ANK3: variants seen among roughly 807,000 people sequenced by gnomAD.
ANK3 encodes ankyrin 3, also known as ankyrin-3.
ANK3 carries 57 observed loss-of-function variants against 370.9 expected under a neutral mutation model. The ratio of observed to expected loss-of-function variants is 0.15; its 90% CI spans 0.12 to 0.19. The LOEUF (loss-of-function observed/expected upper bound fraction) is 0.19. Ranked by LOEUF, ANK3 falls within the 10% of genes least tolerant of loss-of-function variation. The probability of loss-of-function intolerance (pLI) is 1.00; values close to 1 mark genes in which losing one functional copy is unlikely to be tolerated. For missense variants in ANK3, 4,439 were observed against 5,302.1 expected (o/e 0.84, Z 5.06); for synonymous variants, 1,929 against 1,946.3 (o/e 0.99, Z 0.23).
chr10:60,383,261 GAAC>G (rs989703983), intron 1 of ANK3, among the ~76,000 whole-genome samples: 2 of 152,098 alleles, frequency 1.3e-5, no homozygotes, highest in East Asian at 1.9e-4. Context: ...TGTACATTCT[GAAC>G]AACAACAACA....
chr10:60,223,618 A>C (rs983591474), intron 8 of ANK3, among the ~76,000 whole-genome samples: 7 of 152,124 alleles, frequency 4.6e-5, no homozygotes, highest in African/African-American at 1.7e-4. Flanking sequence ...AGTGAAAAAA[A>C]ATATTTTCTA....
intron 1 of ANK3, among the ~76,000 whole-genome samples, chr10:60,351,274 TG>T (rs1295315151): frequency 3.9e-5 from 6 of 152,278 alleles, no homozygotes; most frequent in East Asian, 3.9e-4. Flanking sequence ...AGTTTTTCTT[TG>T]GGGGCAATCA....
intron 1 of ANK3, among the ~76,000 whole-genome samples, chr10:60,626,965 G>A (rs2078419854): frequency 6.6e-6 from 1 of 152,070 alleles, no homozygotes; most frequent in Non-Finnish European, 1.5e-5. Flanking sequence ...CATGAGATTG[G>A]AGGAAGGAAA....
At chr10:60,366,037 T>G (rs2059340334) in intron 1 of ANK3, among the ~76,000 whole-genome samples, 1 of 152,202 alleles carries the variant, frequency 6.6e-6, no homozygotes, top group Non-Finnish European at 1.5e-5. Flanking sequence ...ACCTGTGTTT[T>G]AGGACTAAAA....
intron 1 of ANK3, among the ~76,000 whole-genome samples, chr10:60,339,696 T>C (rs1365244295): frequency 6.6e-6 from 1 of 152,180 alleles, no homozygotes; most frequent in Non-Finnish European, 1.5e-5. Flanking sequence ...GCTCTTCTGA[T>C]TTGTCCAGAC....
chr10:60,085,997 AG>A (rs919001732), intron 30 of ANK3, among the ~76,000 whole-genome samples: 5 of 152,230 alleles, frequency 3.3e-5, no homozygotes, highest in African/African-American at 1.2e-4. Context: ...TTAATTACCG[AG>A]GGTAAAAAGG....
At chr10:60,408,708 ACCAAAGTG>A (rs1388181507) in intron 2 of ANK3, among the ~76,000 whole-genome samples, 1 of 152,162 alleles carries the variant, frequency 6.6e-6, no homozygotes, top group Non-Finnish European at 1.5e-5. Context: ...TCCTTTGGGG[ACCAAAGTG>A]CTATCTCAAG....
At chr10:60,529,128 G>A (rs1364473098) in intron 2 of ANK3, among the ~76,000 whole-genome samples, 2 of 152,080 alleles carry the variant, frequency 1.3e-5, no homozygotes, top group Admixed American at 1.3e-4. Context: ...AGAACCATCA[G>A]CAAGGGAATG....
intron 1 of ANK3, among the ~76,000 whole-genome samples, chr10:60,615,691 T>C (rs1378720283): frequency 6.6e-6 from 1 of 152,174 alleles, no homozygotes; most frequent in Admixed American, 6.5e-5. Flanking sequence ...TCTCCCAAAC[T>C]TCATTACTGT....
intron 2 of ANK3, among the ~76,000 whole-genome samples, chr10:60,606,747 G>A (rs1246092042): frequency 6.6e-6 from 1 of 152,118 alleles, no homozygotes; most frequent in Non-Finnish European, 1.5e-5. Context: ...CTACCCAGCC[G>A]AGAAGTGGTT....
intron 42 of ANK3, among the ~76,000 whole-genome samples, chr10:60,053,250 C>T (rs1276329632): frequency 6.6e-6 from 1 of 152,088 alleles, no homozygotes; most frequent in Non-Finnish European, 1.5e-5. Context: ...ATTAGCATTC[C>T]AGGATTAATG....
chr10:60,617,319 AACCCATGTGGACTT>A (rs2078279855), intron 1 of ANK3, among the ~76,000 whole-genome samples: 1 of 149,618 alleles, frequency 6.7e-6, no homozygotes. Flanking sequence ...CTTTTTTTTT[AACCCATGTGGACTT>A]TATCATAGGT....
Position 60,173,088 on chromosome 10 carries a change from C to G in ANK3, c.2283G>C (p.Lys761Asn). 6.2e-7 allele frequency: 1 copy of G among 1,613,384 alleles called. No individual in the cohort carries two copies. The highest frequency in any genetic ancestry group is 1.1e-5 in the South Asian group (1 of 90,872). Residue 761 changes from lysine to asparagine, a missense_variant and splice_region_variant, in exon 19 of 44, where the codon AAG becomes AAC. Coordinates refer to ENST00000280772, the MANE Select transcript of ANK3 (RefSeq NM_020987.5). ...QHSAKVNAKT[K>N]NGYTPLHQAA... ...AGAAACAAAAAAGGAAGGAGCTTAC[C>G]TTTGTTTTGGCATTAACTTTTGCAG...
intron 2 of ANK3, among the ~76,000 whole-genome samples, chr10:60,582,050 T>G (rs2077761614): frequency 6.6e-6 from 1 of 151,944 alleles, no homozygotes; most frequent in Non-Finnish European, 1.5e-5. Flanking sequence ...ATATTCTCAC[T>G]CATAAGTGGG....
At chr10:60,421,967 ACT>A (rs2063787524) in intron 2 of ANK3, among the ~76,000 whole-genome samples, 2 of 152,072 alleles carry the variant, frequency 1.3e-5, no homozygotes, top group African/African-American at 2.4e-5. Context: ...GATTGTTAAA[ACT>A]AAGGGTATAA....
At chr10:60,095,589 C>T (rs1243772381) in intron 28 of ANK3, among the ~76,000 whole-genome samples, 1 of 152,128 alleles carries the variant, frequency 6.6e-6, no homozygotes, top group South Asian at 2.1e-4. Context: ...TGCTATATTG[C>T]CCAGGCTGGT....
At chr10:60,405,178 T>C (rs1367757149) in intron 2 of ANK3, among the ~76,000 whole-genome samples, 1 of 152,106 alleles carries the variant, frequency 6.6e-6, no homozygotes, top group East Asian at 1.9e-4. Flanking sequence ...CATCTAGATG[T>C]TTCCACAAGA....
chr10:60,226,490 C>CATATACTATAGTAT (rs1565819646), intron 8 of ANK3, among the ~76,000 whole-genome samples: 2 of 63,404 alleles, frequency 3.2e-5, no homozygotes, highest in Non-Finnish European at 5.1e-5. Context: ...TATATATATA[C>CATATACTATAGTAT]ATATACTATA....
At chr10:60,392,962 A>G (rs145785317), upstream of ANK3, among the ~76,000 whole-genome samples, 24 of 152,246 alleles carry the variant, frequency 1.6e-4, no homozygotes, top group African/African-American at 4.8e-4. Context: ...AAAAAGAAAA[A>G]AAAAGCTAAG....
Sources: allele counts gnomAD v4.1 joint callset (sites outside exome capture counted in the v4.1 genomes callset), GRCh38; gene constraint gnomAD v4.1.1; transcripts MANE v1.5; gene names NCBI Gene and HGNC (gene_info 2026-07-23, HGNC 2026-07-21).